Variants in NRXN1 observed in about 807,000 individuals in gnomAD.
NRXN1 encodes the protein neurexin 1.
A neutral mutation model predicts 150.9 loss-of-function variants in NRXN1; 39 were observed. The ratio of observed to expected loss-of-function variants is 0.26; its 90% confidence interval spans 0.20 to 0.34. The LOEUF (loss-of-function observed/expected upper bound fraction) is 0.34, where lower values mean the gene tolerates loss of function less well. Among genes scored for constraint, NRXN1 ranks in the 10% least tolerant of loss-of-function variants. NRXN1 has a pLI of 1.00. For synonymous variants in NRXN1, 924 were observed against 757.0 expected (o/e 1.22, Z -3.62); for missense variants, 1,815 against 1,949.9 (o/e 0.93, Z 1.30).
At chr2:50,328,792 C>T (rs535395655) in intron 17 of NRXN1, among the ~76,000 whole-genome samples, 7 of 152,156 alleles carry the variant, frequency 4.6e-5, no homozygotes, top group Non-Finnish European at 8.8e-5. Flanking sequence ...ATTCCGTCAC[C>T]GCTATAAACT....
intron 12 of NRXN1, among the ~76,000 whole-genome samples, chr2:50,525,120 C>G (rs1312321200): frequency 6.6e-6 from 1 of 152,124 alleles, no homozygotes; most frequent in Non-Finnish European, 1.5e-5. Context: ...AAATGACTTA[C>G]TAAAGTCATT....
intron 2 of NRXN1, among the ~76,000 whole-genome samples, chr2:50,962,461 A>C (rs1434056305): frequency 1.3e-5 from 2 of 151,650 alleles, no homozygotes; most frequent in African/African-American, 4.8e-5. Flanking sequence ...TGGCCTCCAC[A>C]CATTACAGCT....
intron 17 of NRXN1, among the ~76,000 whole-genome samples, chr2:50,238,835 G>C (rs1243541064): frequency 2.0e-5 from 3 of 151,960 alleles, no homozygotes; most frequent in Non-Finnish European, 4.4e-5. Flanking sequence ...CCTCTTCCAA[G>C]AAACATGTTA....
In NRXN1 at chr2:50,845,206, G is replaced by T. The variant is rs538136083; in HGVS notation, c.832+76663C>A. The stretch of plus-strand genomic sequence containing the variant: ...AAAGTAAGGGAGAGTTCTCTATTTT[G>T]TATGGATCCAGAGAATCATTTCAGG... On this transcript the variant is annotated intron_variant, in intron 5 of 22. Coordinates refer to ENST00000401669, the MANE Select transcript of NRXN1 (RefSeq NM_001330078.2). Among the ~76,000 whole-genome samples, 4 of 152,104 alleles carry T rather than the reference G, an allele frequency of 2.6e-5. No homozygotes were observed. The South Asian group carries it at 8.3e-4, about 32-fold the overall frequency.
chr2:50,395,405 A>G (rs1381513434), intron 17 of NRXN1, among the ~76,000 whole-genome samples: 1 of 151,628 alleles, frequency 6.6e-6, no homozygotes, highest in Non-Finnish European at 1.5e-5. Context: ...CAAGCAGAAG[A>G]CATTATAAAA....
At chr2:50,493,998 A>C (rs2091416152) in intron 15 of NRXN1, among the ~76,000 whole-genome samples, 1 of 152,228 alleles carries the variant, frequency 6.6e-6, no homozygotes, top group Non-Finnish European at 1.5e-5. Flanking sequence ...CTTTAATAAA[A>C]ATAAACTCTG....
intron 18 of NRXN1, among the ~76,000 whole-genome samples, chr2:50,193,349 G>C (rs992712472): frequency 6.6e-6 from 1 of 152,050 alleles, no homozygotes; most frequent in African/African-American, 2.4e-5. Context: ...CGAGTGTTCT[G>C]GTATTGTCCC....
At chr2:50,198,871 C>A (rs928249469) in intron 18 of NRXN1, among the ~76,000 whole-genome samples, 1 of 152,096 alleles carries the variant, frequency 6.6e-6, no homozygotes, top group African/African-American at 2.4e-5. Context: ...TATTAATGAA[C>A]TTTTGGAGCA....
chr2:50,412,193 C>G (rs1025329064), intron 17 of NRXN1, among the ~76,000 whole-genome samples: 1 of 152,026 alleles, frequency 6.6e-6, no homozygotes, highest in African/African-American at 2.4e-5. Context: ...GCAGGGCCCT[C>G]TGCCTAGGAA....
At chr2:49,978,794 C>T (rs780255164) in intron 21 of NRXN1, among the ~76,000 whole-genome samples, 3 of 151,066 alleles carry the variant, frequency 2.0e-5, no homozygotes, top group Non-Finnish European at 4.4e-5. Flanking sequence ...CTACATGTCA[C>T]AATTCTCTTA....
intron 18 of NRXN1, among the ~76,000 whole-genome samples, chr2:50,231,687 C>G (rs2064956406): frequency 6.6e-6 from 1 of 152,072 alleles, no homozygotes; most frequent in Non-Finnish European, 1.5e-5. Flanking sequence ...GTGACATTTC[C>G]TCTGGTCAGA....
At chr2:50,824,016 A>G (rs558194539) in intron 5 of NRXN1, among the ~76,000 whole-genome samples, 1 of 152,328 alleles carries the variant, frequency 6.6e-6, no homozygotes, top group Admixed American at 6.5e-5. Context: ...ACAAGAAATG[A>G]GAAACAATGT....
At chr2:50,869,181 A>G (rs1677396174) in intron 5 of NRXN1, among the ~76,000 whole-genome samples, 1 of 151,808 alleles carries the variant, frequency 6.6e-6, no homozygotes, top group African/African-American at 2.4e-5. Flanking sequence ...TCAATAATGA[A>G]GCAATTAATA....
intron 15 of NRXN1, among the ~76,000 whole-genome samples, chr2:50,482,671 G>A (rs561816665): frequency 6.6e-6 from 1 of 152,234 alleles, no homozygotes; most frequent in Non-Finnish European, 1.5e-5. Context: ...TAGGGGCTGG[G>A]TAAAATAAGA....
At chr2:50,687,226 A>C (rs551358321) in intron 5 of NRXN1, among the ~76,000 whole-genome samples, 7 of 152,214 alleles carry the variant, frequency 4.6e-5, no homozygotes, top group Admixed American at 6.5e-5. Flanking sequence ...CCTGGGAAGG[A>C]GCAATTCTGG....
At chr2:49,926,265 C>T (rs1034639747) in intron 22 of NRXN1, 1 of 398,064 alleles carries the variant, frequency 2.5e-6, no homozygotes, top group Non-Finnish European at 4.4e-6. Flanking sequence ...CCCTGGGACT[C>T]TTGCACTTAT....
chr2:50,012,888 G>A (rs1156813630), intron 21 of NRXN1, among the ~76,000 whole-genome samples: 4 of 152,056 alleles, frequency 2.6e-5, no homozygotes, highest in Non-Finnish European at 5.9e-5. Context: ...TTGCACTCCT[G>A]AAGTATTACT....
chr2:50,374,585 A>G (rs1473569280), intron 17 of NRXN1, among the ~76,000 whole-genome samples: 1 of 152,098 alleles, frequency 6.6e-6, no homozygotes, highest in East Asian at 1.9e-4. Flanking sequence ...CACAGCACTC[A>G]TAAACACATA....
chr2:50,495,550 C>T (rs776068447), intron 15 of NRXN1, among the ~76,000 whole-genome samples: 19 of 152,002 alleles, frequency 1.2e-4, no homozygotes, highest in Non-Finnish European at 1.6e-4. Context: ...CTATAATAAG[C>T]TCCTATATAT....
Sources: allele counts gnomAD v4.1 joint callset (sites outside exome capture counted in the v4.1 genomes callset), GRCh38; gene constraint gnomAD v4.1.1; transcripts MANE v1.5; gene names NCBI Gene and HGNC (gene_info 2026-07-23, HGNC 2026-07-21).